Variants in ELMO1 observed in about 807,000 individuals in gnomAD.
The protein encoded by ELMO1 is engulfment and cell motility 1.
Under a neutral mutation model 98.9 loss-of-function variants are expected in ELMO1, and 26 were observed. That is an observed-to-expected ratio of 0.26 (90% CI 0.19 to 0.36). ELMO1 has a LOEUF of 0.36. ELMO1 is among the 10% of genes least tolerant of loss of function. The pLI is 1.00. For missense variants in ELMO1, 627 were observed against 935.2 expected, an observed-to-expected ratio of 0.67 and a Z score of 4.30; for synonymous variants, 346 against 346.0, an observed-to-expected ratio of 1.00 and a Z score of 0.00.
chr7:37,221,534 A>G (rs1793595017), intron 10 of ELMO1, among the ~76,000 whole-genome samples: 1 of 152,256 alleles, frequency 6.6e-6, no homozygotes. Flanking sequence ...ACATGAATGG[A>G]TTTTGAGGTG....
chr7:37,201,669 C>T (rs185225495), intron 13 of ELMO1, among the ~76,000 whole-genome samples: 46 of 152,322 alleles, frequency 3.0e-4, no homozygotes, highest in Admixed American at 2.5e-3. Context: ...ACGTTTCAGG[C>T]TTATAAGCAG....
At chr7:37,095,766 G>A (rs903830837) in intron 15 of ELMO1, among the ~76,000 whole-genome samples, 3 of 152,056 alleles carry the variant, frequency 2.0e-5, no homozygotes, top group Admixed American at 6.6e-5. Context: ...ATTATTTTAA[G>A]CTCTCGAGCA....
intron 14 of ELMO1, among the ~76,000 whole-genome samples, chr7:37,129,954 A>G (rs138460423): frequency 9.2e-5 from 14 of 152,264 alleles, no homozygotes; most frequent in African/African-American, 7.2e-5. Context: ...CCCTGAACAA[A>G]GCAGGCACCA....
chr7:37,161,057 C>T (rs1417800360), intron 13 of ELMO1, among the ~76,000 whole-genome samples: 1 of 152,180 alleles, frequency 6.6e-6, no homozygotes, highest in Non-Finnish European at 1.5e-5. Flanking sequence ...GGTTAAATGA[C>T]ATGATGCCCA....
At chr7:37,053,880 TAAAC>T (rs1279401676) in intron 15 of ELMO1, among the ~76,000 whole-genome samples, 2 of 152,200 alleles carry the variant, frequency 1.3e-5, no homozygotes, top group African/African-American at 4.8e-5. Flanking sequence ...TATATCAAAT[TAAAC>T]AAATCTTGAT....
At chr7:37,042,323 G>GT (rs905274697) in intron 15 of ELMO1, among the ~76,000 whole-genome samples, 4 of 151,388 alleles carry the variant, frequency 2.6e-5, no homozygotes, top group South Asian at 2.1e-4. Context: ...CAGAGCCATG[G>GT]TTTTTTTTTA....
At chr7:36,933,282 G>T (rs144790134) in intron 16 of ELMO1, among the ~76,000 whole-genome samples, 1 of 152,260 alleles carries the variant, frequency 6.6e-6, no homozygotes, top group African/African-American at 2.4e-5. Context: ...AGTGTATAAT[G>T]GCATTTTTAA....
chr7:36,905,563 G>A (rs1255571039), intron 16 of ELMO1, among the ~76,000 whole-genome samples: 1 of 152,220 alleles, frequency 6.6e-6, no homozygotes, highest in Non-Finnish European at 1.5e-5. Context: ...ATGAATAAAT[G>A]ATATCCACAG....
intron 15 of ELMO1, among the ~76,000 whole-genome samples, chr7:37,091,298 G>A (rs2129248754): frequency 6.6e-6 from 1 of 152,134 alleles, no homozygotes; most frequent in East Asian, 1.9e-4. Flanking sequence ...GTAGAGATGG[G>A]GTTTCACCAT....
At chr7:37,106,186 G>C (rs73335556) in intron 14 of ELMO1, among the ~76,000 whole-genome samples, 2 of 152,082 alleles carry the variant, frequency 1.3e-5, no homozygotes, top group Admixed American at 6.6e-5. Flanking sequence ...AACAAGTTGC[G>C]TGCTGTTTAG....
chr7:37,031,992 A>G (rs1364689289), intron 15 of ELMO1, among the ~76,000 whole-genome samples: 1 of 152,158 alleles, frequency 6.6e-6, no homozygotes, highest in Admixed American at 6.6e-5. Flanking sequence ...TGTAGGACTG[A>G]TCATCATATT....
chr7:37,264,145 T>C (rs6956864), intron 5 of ELMO1, among the ~76,000 whole-genome samples: 6,934 of 152,188 alleles, frequency 0.046, 331 homozygotes, highest in East Asian at 0.18. Flanking sequence ...TTTTATTGTT[T>C]ATGGGAGGTG....
intron 13 of ELMO1, among the ~76,000 whole-genome samples, chr7:37,210,764 A>G (rs1792918772): frequency 6.6e-6 from 1 of 152,146 alleles, no homozygotes; most frequent in African/African-American, 2.4e-5. Flanking sequence ...GCAGAATTTG[A>G]TATTAGCCGA....
intron 13 of ELMO1, among the ~76,000 whole-genome samples, chr7:37,152,767 T>C (rs1234174010): frequency 6.6e-6 from 1 of 152,188 alleles, no homozygotes; most frequent in Non-Finnish European, 1.5e-5. Flanking sequence ...AGGAACAGAA[T>C]TTGCGATATA....
intron 8 of ELMO1, 39 bp downstream of exon 8, chr7:37,233,056 G>C: frequency 6.5e-7 from 1 of 1,527,794 alleles, no homozygotes; most frequent in Non-Finnish European, 9.0e-7. Flanking sequence ...TATGACAGAA[G>C]ACAGTAAGGA....
intron 19 of ELMO1, among the ~76,000 whole-genome samples, chr7:36,873,271 G>C (rs757976650): frequency 8.5e-5 from 13 of 152,296 alleles, no homozygotes; most frequent in Non-Finnish European, 1.3e-4. Flanking sequence ...CTCATGAGCA[G>C]AAACAGAGGG....
At chr7:37,263,828 G>A (rs1796105855) in intron 5 of ELMO1, among the ~76,000 whole-genome samples, 1 of 152,172 alleles carries the variant, frequency 6.6e-6, no homozygotes, top group Non-Finnish European at 1.5e-5. Context: ...CAGTAGACAA[G>A]GTAGCCTAGG....
chr7:37,366,767 C>A (rs77615103), intron 1 of ELMO1, among the ~76,000 whole-genome samples: 12,237 of 152,218 alleles, frequency 0.08, 603 homozygotes, highest in Middle Eastern at 0.12. Context: ...TCTCCGAACT[C>A]CTCTAACGGA....
At chr7:37,066,250 G>A (rs1030848108) in intron 15 of ELMO1, among the ~76,000 whole-genome samples, 9 of 152,156 alleles carry the variant, frequency 5.9e-5, no homozygotes, top group Admixed American at 5.2e-4. Flanking sequence ...ACATGAGGAA[G>A]AGATGGAATC....
Sources: gnomAD v4.1 joint callset for allele counts (sites outside exome capture counted in the v4.1 genomes callset) on GRCh38, gnomAD v4.1.1 for gene constraint, MANE v1.5 for transcripts, NCBI Gene and HGNC (gene_info 2026-07-23, HGNC 2026-07-21) for gene names.